Variants in VAT1L observed in about 807,000 individuals in gnomAD.
The protein encoded by VAT1L is putative NADPH-dependent quinone oxidoreductase VAT1L.
VAT1L carries 34 observed loss-of-function variants against 44.1 expected under a neutral mutation model. That is an observed-to-expected ratio of 0.77 (90% CI 0.59 to 1.03). The LOEUF is 1.03. Ranked by LOEUF, VAT1L falls within the 50% of genes least tolerant of loss-of-function variation. The pLI is 0.00. For missense variants in VAT1L, 615 were observed against 538.8 expected, an observed-to-expected ratio of 1.14 and a Z score of -1.40; for synonymous variants, 253 against 202.2, an observed-to-expected ratio of 1.25 and a Z score of -2.13.
intron 7 of VAT1L, among the ~76,000 whole-genome samples, chr16:77,917,152 T>C (rs909812817): frequency 6.6e-5 from 10 of 152,108 alleles, no homozygotes; most frequent in Non-Finnish European, 1.2e-4. Context: ...ACTTCATTAA[T>C]TGAAGACCAA....
At chr16:77,954,558 G>A (rs9930294) in intron 7 of VAT1L, among the ~76,000 whole-genome samples, 4,855 of 152,258 alleles carry the variant, frequency 0.032, 242 homozygotes, top group African/African-American at 0.11. Flanking sequence ...CCGGGAGGCA[G>A]AGGTTGCAAT....
intron 2 of VAT1L, among the ~76,000 whole-genome samples, chr16:77,822,242 C>G (rs1490796076): frequency 6.6e-6 from 1 of 152,180 alleles, no homozygotes; most frequent in African/African-American, 2.4e-5. Context: ...TCAAGTGATT[C>G]TCCTGCCTCA....
At chr16:77,930,318 A>G (rs1167152543) in intron 7 of VAT1L, among the ~76,000 whole-genome samples, 2 of 152,090 alleles carry the variant, frequency 1.3e-5, no homozygotes, top group East Asian at 3.9e-4. Context: ...ATCATTACTG[A>G]TGTTCTTTGG....
chr16:77,962,782 AAG>A (rs1567523665), intron 7 of VAT1L, among the ~76,000 whole-genome samples: 3 of 151,882 alleles, frequency 2.0e-5, no homozygotes, highest in Admixed American at 2.0e-4. Flanking sequence ...GAAGGAAAGA[AAG>A]AGAAAAGAAA....
rs865989467 is a variant in VAT1L, at chr16:77,910,690, A to G, written c.1077+25888A>G. Among the ~76,000 whole-genome samples the G allele has an allele frequency of 8.4e-3, 1,275 of 150,988 alleles. 14 individuals are homozygous for G. Among genetic ancestry groups the G allele is most frequent in the Middle Eastern group, 0.037 (11 of 294 alleles). On this transcript the variant is annotated intron_variant, in intron 7 of 8. Coordinates refer to ENST00000302536, the MANE Select transcript of VAT1L (RefSeq NM_020927.3). ...CTCCTTCTCAAAAAAAAAAAAAAAA[A>G]AAAGAAAGAAAAGAAAAGAAAAGAA... is the stretch of plus-strand genomic sequence containing the variant.
At chr16:77,948,585 T>G (rs2018000651) in intron 7 of VAT1L, among the ~76,000 whole-genome samples, 2 of 152,174 alleles carry the variant, frequency 1.3e-5, no homozygotes, top group Non-Finnish European at 2.9e-5. Flanking sequence ...TGACACCCCC[T>G]GCCCCCATAC....
At chr16:77,857,289 G>C (rs2016868803) in intron 3 of VAT1L, among the ~76,000 whole-genome samples, 1 of 152,130 alleles carries the variant, frequency 6.6e-6, no homozygotes. Context: ...AAATGTTATT[G>C]AGTCCATGCT....
chr16:77,799,245 C>G (rs72790962), intron 1 of VAT1L, among the ~76,000 whole-genome samples: 15,408 of 144,180 alleles, frequency 0.11, 1,090 homozygotes, highest in East Asian at 0.26. Context: ...CTCTCTCTCT[C>G]CCTCCCTCCC....
chr16:77,799,067 GC>G (rs79758262), intron 1 of VAT1L, among the ~76,000 whole-genome samples: 23,248 of 152,112 alleles, frequency 0.15, 1,946 homozygotes, highest in Admixed American at 0.21. Context: ...AGCTGCAGCT[GC>G]CGTGTGAAAA....
At chr16:77,967,587 G>A (rs551316299) in intron 7 of VAT1L, among the ~76,000 whole-genome samples, 7 of 152,240 alleles carry the variant, frequency 4.6e-5, no homozygotes, top group East Asian at 1.9e-4. Context: ...CATCCTTTCC[G>A]TAAGGGACTT....
At chr16:77,833,282 G>C (rs746868986) in intron 3 of VAT1L, among the ~76,000 whole-genome samples, 2 of 152,204 alleles carry the variant, frequency 1.3e-5, no homozygotes, top group African/African-American at 2.4e-5. Flanking sequence ...ACTTTGCCAA[G>C]TGCTACACCA....
chr16:77,863,037 CA>C, intron 4 of VAT1L, 147 bp downstream of exon 4: 1 of 980,830 alleles, frequency 1.0e-6, no homozygotes, highest in South Asian at 1.8e-5. Context: ...CCAAATATTT[CA>C]CACGCATTAG....
chr16:77,932,329 T>A (rs903606686), intron 7 of VAT1L, among the ~76,000 whole-genome samples: 9 of 151,942 alleles, frequency 5.9e-5, no homozygotes, highest in African/African-American at 2.2e-4. Context: ...ATGGTGTCCA[T>A]CTCCTGACCT....
intron 3 of VAT1L, among the ~76,000 whole-genome samples, chr16:77,833,034 C>G (rs756514686): frequency 1.3e-5 from 2 of 152,226 alleles, no homozygotes; most frequent in South Asian, 2.1e-4. Flanking sequence ...TACCCAGTTA[C>G]TCAAGTCAGC....
intron 1 of VAT1L, among the ~76,000 whole-genome samples, chr16:77,789,196 A>G (rs1161670163): frequency 1.3e-5 from 2 of 152,180 alleles, no homozygotes; most frequent in Non-Finnish European, 1.5e-5. Context: ...AGATTGCGCT[A>G]CGGGAGTTCT....
chr16:77,817,353 C>T (rs551710967), intron 2 of VAT1L, among the ~76,000 whole-genome samples: 2 of 152,306 alleles, frequency 1.3e-5, no homozygotes, highest in Admixed American at 6.5e-5. Context: ...GTGTGCATAG[C>T]CCCTTCCCAT....
intron 7 of VAT1L, among the ~76,000 whole-genome samples, chr16:77,899,782 C>T (rs1466381074): frequency 6.6e-6 from 1 of 152,198 alleles, no homozygotes; most frequent in African/African-American, 2.4e-5. Flanking sequence ...GACCTAGATG[C>T]GGAGAGCGGA....
intron 3 of VAT1L, among the ~76,000 whole-genome samples, chr16:77,837,783 T>G (rs1173615735): frequency 6.6e-6 from 1 of 152,216 alleles, no homozygotes; most frequent in African/African-American, 2.4e-5. Context: ...ATACGTATTG[T>G]ATCCTTATTA....
chr16:77,910,689 AAAAAG>A (rs1210943053), intron 7 of VAT1L, among the ~76,000 whole-genome samples: 21 of 150,802 alleles, frequency 1.4e-4, no homozygotes, highest in Non-Finnish European at 2.5e-4. Context: ...AAAAAAAAAA[AAAAAG>A]AAAGAAAAGA....
Sources: gnomAD v4.1 joint callset for allele counts (sites outside exome capture counted in the v4.1 genomes callset) on GRCh38, gnomAD v4.1.1 for gene constraint, MANE v1.5 for transcripts, NCBI Gene and HGNC (gene_info 2026-07-23, HGNC 2026-07-21) for gene names.